Variants in AXDND1 observed in about 807,000 individuals in gnomAD.
AXDND1 encodes the protein axonemal dynein light chain domain-containing protein 1.
AXDND1 carries 110 observed loss-of-function variants against 137.5 expected under a neutral mutation model. That is an observed-to-expected ratio of 0.80 (90% CI 0.69 to 0.94). The LOEUF is 0.94. Among genes scored for constraint, AXDND1 ranks in the 40% least tolerant of loss-of-function variants. The probability of loss-of-function intolerance (pLI) is 0.00; values close to 1 mark genes in which losing one functional copy is unlikely to be tolerated. For synonymous variants in AXDND1, 414 were observed against 399.7 expected (o/e 1.04, Z -0.43); for missense variants, 1,191 against 1,169.8 (o/e 1.02, Z -0.26).
At chr1:179,518,805 T>A (rs113475293) in intron 21 of AXDND1, among the ~76,000 whole-genome samples, 4,577 of 152,280 alleles carry the variant, frequency 0.03, 215 homozygotes, top group African/African-American at 0.1. Flanking sequence ...GATATTTAGG[T>A]TAGTTCCATG....
chr1:179,466,210 G>C (rs1225251731), intron 16 of AXDND1, among the ~76,000 whole-genome samples: 1 of 151,870 alleles, frequency 6.6e-6, no homozygotes, highest in African/African-American at 2.4e-5. Context: ...CACGCTGGGA[G>C]CTGTAGATTG....
chr1:179,381,014 G>A (rs1648178976), intron 6 of AXDND1, among the ~76,000 whole-genome samples: 1 of 143,458 alleles, frequency 7.0e-6, no homozygotes, highest in South Asian at 2.3e-4. Flanking sequence ...CAACCCATTA[G>A]TTATAGATCT....
At chr1:179,419,218 A>G (rs75551896) in intron 12 of AXDND1, among the ~76,000 whole-genome samples, 96,593 of 150,546 alleles carry the variant, frequency 0.64, 31,404 homozygotes, top group Middle Eastern at 0.7. Flanking sequence ...ACGGGGTGGC[A>G]GCCGGGCAGA....
chr1:179,385,279 T>C lies in AXDND1; in HGVS notation c.783T>C (p.Ile261=), dbSNP rs749422483. Residue 261 remains isoleucine (I), a synonymous_variant, in exon 9 of 26, where the codon ATT becomes ATC. Transcript: ENST00000367618. ...LLHILKKEQT[I]YNMIFHELIR... ...ATATATTGAAGAAGGAACAGACCAT[T>C]TACAACATGATATTTCATGAACTTA... The C allele has an allele frequency of 1.2e-5, 19 of 1,612,250 alleles. No homozygotes were observed. The highest frequency in any genetic ancestry group is 1.6e-5 in the Non-Finnish European group (19 of 1,178,312).
intron 16 of AXDND1, chr1:179,450,244 G>A (rs1660366842): frequency 6.6e-6 from 1 of 152,166 alleles, no homozygotes; most frequent in African/African-American, 2.4e-5. Context: ...TCGAACTCCT[G>A]ACCTTGTGAT....
At chr1:179,395,877 T>C (rs1650970834) in intron 11 of AXDND1, among the ~76,000 whole-genome samples, 1 of 152,128 alleles carries the variant, frequency 6.6e-6, no homozygotes, top group African/African-American at 2.4e-5. Context: ...TAGAAATATT[T>C]GGAGATTTAG....
intron 12 of AXDND1, among the ~76,000 whole-genome samples, chr1:179,428,527 C>T (rs1424048699): frequency 1.3e-5 from 2 of 152,208 alleles, no homozygotes; most frequent in Non-Finnish European, 2.9e-5. Flanking sequence ...GCCCAGGGAC[C>T]CCTTGTGGGG....
chr1:179,374,881 G>C (rs2125060606), intron 4 of AXDND1, among the ~76,000 whole-genome samples: 1 of 151,160 alleles, frequency 6.6e-6, no homozygotes. Flanking sequence ...TGTAAATGAT[G>C]AGTTAATGGG....
chr1:179,432,105 T>C (rs1436269746), intron 14 of AXDND1, among the ~76,000 whole-genome samples, 162 bp from the exon 15 acceptor site: 6 of 152,222 alleles, frequency 3.9e-5, no homozygotes, highest in African/African-American at 1.4e-4. Flanking sequence ...TGTTTACAAA[T>C]TTAATGATAA....
intron 20 of AXDND1, among the ~76,000 whole-genome samples, chr1:179,498,669 A>G (rs1272986808): frequency 6.6e-6 from 1 of 152,174 alleles, no homozygotes; most frequent in Non-Finnish European, 1.5e-5. Context: ...AGATATTTGC[A>G]AACTATGTGT....
At chr1:179,395,333 A>C (rs1170459372) in intron 11 of AXDND1, 131 bp downstream of exon 11, 23 of 662,190 alleles carry the variant, frequency 3.5e-5, no homozygotes, top group Non-Finnish European at 5.4e-5. Context: ...ACTTTATCTG[A>C]ATTTAGTTGA....
At position 179,478,913 on chromosome 1, in the gene AXDND1, C is replaced by T. The variant is rs111572009; in HGVS notation, c.1998-4215C>T. On this transcript the variant is annotated intron_variant, in intron 17 of 25. Coordinates refer to ENST00000367618, the MANE Select transcript of AXDND1 (RefSeq NM_144696.6). The stretch of plus-strand genomic sequence containing the variant: ...TCAGGAGCTCGAGACCAGCTCTGGC[C>T]AACATGGTGAAACTCAATCTCTACT... Among the ~76,000 whole-genome samples, 568 of 151,358 alleles carry T rather than the reference C, an allele frequency of 3.8e-3. 5 individuals are homozygous for T. Among genetic ancestry groups the T allele is most frequent in the African/African-American group, 0.013 (532 of 41,220 alleles).
intron 12 of AXDND1, among the ~76,000 whole-genome samples, chr1:179,427,713 A>G (rs1656777627): frequency 6.6e-6 from 1 of 152,220 alleles, no homozygotes; most frequent in Non-Finnish European, 1.5e-5. Context: ...TAAGGGAATA[A>G]TTAGCATAGT....
At chr1:179,392,855 T>C (rs1454407427) in intron 9 of AXDND1, among the ~76,000 whole-genome samples, 1 of 152,198 alleles carries the variant, frequency 6.6e-6, no homozygotes, top group African/African-American at 2.4e-5. Context: ...GAGTTCATCG[T>C]AGATTTTGGG....
intron 4 of AXDND1, among the ~76,000 whole-genome samples, chr1:179,378,006 TA>T (rs1184028890): frequency 1.3e-5 from 2 of 152,042 alleles, no homozygotes; most frequent in Non-Finnish European, 2.9e-5. Context: ...CCATCTCTAC[TA>T]AAAATACAAA....
intron 23 of AXDND1, among the ~76,000 whole-genome samples, chr1:179,531,098 G>T (rs1161983851): frequency 6.6e-6 from 1 of 152,080 alleles, no homozygotes; most frequent in Non-Finnish European, 1.5e-5. Flanking sequence ...CAATCATGGG[G>T]TATGGAAAAT....
chr1:179,507,516 G>A (rs1226906493), intron 20 of AXDND1, among the ~76,000 whole-genome samples: 2 of 152,182 alleles, frequency 1.3e-5, no homozygotes, highest in East Asian at 3.8e-4. Context: ...ATATCTGGAA[G>A]GATACTTAGG....
chr1:179,368,468 C>A (rs1417158171), intron 2 of AXDND1, among the ~76,000 whole-genome samples: 2 of 152,156 alleles, frequency 1.3e-5, no homozygotes, highest in East Asian at 3.8e-4. Flanking sequence ...AATAGACATT[C>A]ATTCCTGTCT....
chr1:179,385,844 T>G (rs1169312590), intron 9 of AXDND1, among the ~76,000 whole-genome samples: 1 of 152,188 alleles, frequency 6.6e-6, no homozygotes, highest in East Asian at 1.9e-4. Flanking sequence ...TGTCCCTGGT[T>G]GTTTGGTACC....
Sources: gnomAD v4.1 joint callset for allele counts (sites outside exome capture counted in the v4.1 genomes callset) on GRCh38, gnomAD v4.1.1 for gene constraint, MANE v1.5 for transcripts, NCBI Gene and HGNC (gene_info 2026-07-23, HGNC 2026-07-21) for gene names.